PRL: variants seen among roughly 807,000 people sequenced by gnomAD.
PRL encodes the protein prolactin.
In PRL, 24 loss-of-function variants were observed where a neutral mutation model predicts 21.3. That is an observed-to-expected ratio of 1.13 (90% confidence interval 0.82 to 1.59). The LOEUF is 1.59. Among genes scored for constraint, PRL ranks in the 40% most tolerant of loss-of-function variants. The pLI is 0.00. For synonymous variants in PRL, 118 were observed against 115.7 expected (o/e 1.02, Z -0.13); for missense variants, 243 against 286.9 (o/e 0.85, Z 1.10).
upstream of PRL, among the ~76,000 whole-genome samples, chr6:22,301,619 A>C (rs754830563): frequency 2.0e-5 from 3 of 152,208 alleles, no homozygotes; most frequent in Non-Finnish European, 4.4e-5. Context: ...CCTGTATTGA[A>C]AAGATTCAGA....
At chr6:22,302,147 A>G (rs1006379421), upstream of PRL, among the ~76,000 whole-genome samples, 1 of 152,226 alleles carries the variant, frequency 6.6e-6, no homozygotes, top group African/African-American at 2.4e-5. Context: ...ATCAATAGAT[A>G]TAGTCAAGCT....
At position 22,297,023 on chromosome 6, in the gene PRL, T is replaced by C. The variant is rs1761194331; in HGVS notation, c.-41A>G. The C allele has an allele frequency of 3.1e-6, 5 of 1,609,080 alleles. No individual in the cohort carries two copies. The African/African-American group carries it at 5.3e-5, about 17-fold the overall frequency. Reference sequence around the variant, plus strand: ...AGGAAACACACTTCACCAGAGAAGATCTGGAAGTCTCACGGTTTTCTCTTT... The same window carrying C: ...AGGAAACACACTTCACCAGAGAAGACCTGGAAGTCTCACGGTTTTCTCTTT... On this transcript the variant is annotated 5_prime_UTR_variant, in exon 1 of 5. Coordinates refer to ENST00000306482, the MANE Select transcript of PRL (RefSeq NM_000948.6).
At chr6:22,292,867 T>C (rs1761084465) in intron 2 of PRL, among the ~76,000 whole-genome samples, 2 of 152,242 alleles carry the variant, frequency 1.3e-5, no homozygotes, top group South Asian at 4.1e-4. Flanking sequence ...AATATCAATG[T>C]TTTTCCTTCT....
At chr6:22,293,532 T>C (rs1761098486) in intron 2 of PRL, among the ~76,000 whole-genome samples, 1 of 148,622 alleles carries the variant, frequency 6.7e-6, no homozygotes, top group African/African-American at 2.5e-5. Context: ...ATTTCCAAAA[T>C]AGGTTATTCA....
upstream of PRL, among the ~76,000 whole-genome samples, chr6:22,298,469 C>T (rs1274964473): frequency 6.6e-6 from 1 of 152,120 alleles, no homozygotes; most frequent in Non-Finnish European, 1.5e-5. Context: ...TTTACTTTTT[C>T]CTTAGTTCCT....
At chr6:22,291,989 G>T (rs73389169) in intron 3 of PRL, among the ~76,000 whole-genome samples, 1,589 of 152,192 alleles carry the variant, frequency 0.01, 29 homozygotes, top group African/African-American at 0.036. Flanking sequence ...TTTGTGAGGG[G>T]AGTGGTGACT....
chr6:22,291,572 C>T (rs1045474363), intron 3 of PRL, among the ~76,000 whole-genome samples: 1 of 151,978 alleles, frequency 6.6e-6, no homozygotes, highest in South Asian at 2.1e-4. Flanking sequence ...TGTAGGTGCT[C>T]AAAAAACTTA....
intron 2 of PRL, among the ~76,000 whole-genome samples, chr6:22,293,276 G>A (rs1761091990): frequency 6.6e-6 from 1 of 151,890 alleles, no homozygotes; most frequent in Admixed American, 6.6e-5. Context: ...GATAAGAACA[G>A]AATAAAAAAT....
chr6:22,292,725 C>T (rs1238485377), intron 2 of PRL, 80 bp from the exon 3 acceptor site: 1 of 1,107,562 alleles, frequency 9.0e-7, no homozygotes, highest in Non-Finnish European at 1.3e-6. Flanking sequence ...AATACTAATA[C>T]CTTTGGCAGA....
rs1760983799 is a variant in PRL, at chr6:22,288,893, T to C, written c.492+1281A>G. On this transcript the variant is annotated intron_variant, in intron 4 of 4. Transcript: ENST00000306482. The surrounding 1 kb of genome is among the most constrained non-coding windows in gnomAD (Gnocchi z 4.5). ...GTGTGTATGCGCGTGCGCGTGTGTGTGCGTGTGTGCGCGCGCGTGTGTGTG... is the reference window on the plus strand; with the variant it reads ...GTGTGTATGCGCGTGCGCGTGTGTGCGCGTGTGTGCGCGCGCGTGTGTGTG... 1.3e-5 allele frequency among the ~76,000 whole-genome samples: 2 copies of C among 151,964 alleles called. No individual in the cohort carries two copies. Among genetic ancestry groups the C allele is most frequent in the Non-Finnish European group, 2.9e-5 (2 of 67,960 alleles).
chr6:22,297,090 A>G (rs1371095228), upstream of PRL: 4 of 1,139,426 alleles, frequency 3.5e-6, no homozygotes, highest in Non-Finnish European at 5.1e-6. Flanking sequence ...CTTCATGAAT[A>G]TAATGAATCA....
rs968845295 is a variant in PRL, at chr6:22,288,909, CGTGTGTGT to C, written c.492+1257_492+1264del. On this transcript the variant is annotated intron_variant, in intron 4 of 4. Transcript: ENST00000306482. This position sits in a 1 kb window ranked among gnomAD's most constrained non-coding sequence, Gnocchi z 4.5. ...GCGTGTGTGTGCGTGTGTGCGCGCG[CGTGTGTGT>C]GCGTGCGCGTGTGTGTGCATGTGTG... Among the ~76,000 whole-genome samples, 3 of 146,624 alleles carry C rather than the reference CGTGTGTGT, an allele frequency of 2.0e-5. No individual in the cohort carries two copies. The highest frequency in any genetic ancestry group is 4.5e-5 in the Non-Finnish European group (3 of 66,600).
upstream of PRL, among the ~76,000 whole-genome samples, chr6:22,297,776 T>C (rs972829652): frequency 3.9e-5 from 6 of 152,308 alleles, no homozygotes; most frequent in East Asian, 1.2e-3. Flanking sequence ...AGACTAAAGG[T>C]AAAGAATATG....
intron 1 of PRL, among the ~76,000 whole-genome samples, 190 bp from the exon 2 acceptor site, chr6:22,294,774 A>G (rs1761140201): frequency 1.3e-5 from 2 of 152,204 alleles, no homozygotes; most frequent in African/African-American, 2.4e-5. Context: ...TTATGTTTGC[A>G]CAGATATATA....
chr6:22,288,285 G>A lies in PRL; in HGVS notation c.493-692C>T, dbSNP rs1405377747. Among the ~76,000 whole-genome samples, 1 of 152,072 alleles carries A rather than the reference G, an allele frequency of 6.6e-6. No individual in the cohort carries two copies. The highest frequency in any genetic ancestry group is 1.5e-5 in the Non-Finnish European group (1 of 68,028). ...GGTGTGGTGGCTTACACTGGTTCAC[G>A]CATTTTGGGAGGCAGAGGCAGGTGG... On this transcript the variant is annotated intron_variant, in intron 4 of 4. Coordinates refer to ENST00000306482, the MANE Select transcript of PRL (RefSeq NM_000948.6). This position sits in a 1 kb window ranked among gnomAD's most constrained non-coding sequence, Gnocchi z 4.5.
At chr6:22,291,449 A>G (rs1350654145) in intron 3 of PRL, among the ~76,000 whole-genome samples, 1 of 152,164 alleles carries the variant, frequency 6.6e-6, no homozygotes, top group Non-Finnish European at 1.5e-5. Context: ...TTTTATGAGG[A>G]TTAAATATAG....
upstream of PRL, among the ~76,000 whole-genome samples, chr6:22,299,139 G>T (rs1277353533): frequency 6.6e-6 from 1 of 152,156 alleles, no homozygotes; most frequent in Non-Finnish European, 1.5e-5. Context: ...TTTTATATGT[G>T]CTTTCTTGCC....
Position 22,292,660 on chromosome 6 carries a change from A to G in PRL, c.205-15T>C, listed in dbSNP as rs769332944. On this transcript the variant is annotated splice_polypyrimidine_tract_variant and intron_variant, in intron 2 of 4. Transcript: ENST00000306482. ...TACCGTTTATCCTGGAAATGATGAG[A>G]CAAATTCAATTAGTTGGGGTTGTTT... 3 of 1,603,598 alleles carry G rather than the reference A, an allele frequency of 1.9e-6. No individual in the cohort carries two copies. The East Asian group carries it at 6.7e-5, about 36-fold the overall frequency.
upstream of PRL, among the ~76,000 whole-genome samples, chr6:22,298,875 T>C (rs753984191): frequency 4.7e-4 from 71 of 152,314 alleles, no homozygotes; most frequent in Admixed American, 2.7e-3. Flanking sequence ...CATTCTTGGA[T>C]AGCCAGGATA....
Sources: allele counts gnomAD v4.1 joint callset (sites outside exome capture counted in the v4.1 genomes callset), GRCh38; gene constraint gnomAD v4.1.1; non-coding constraint Gnocchi (gnomAD v3.1); transcripts MANE v1.5; gene names NCBI Gene and HGNC (gene_info 2026-07-23, HGNC 2026-07-21).